The following SREK1 variants were observed in gnomAD, a reference collection of about 807,000 sequenced individuals.
The protein encoded by SREK1 is splicing regulatory glutamine/lysine-rich protein 1.
SREK1 carries 13 observed loss-of-function variants against 66.5 expected under a neutral mutation model. That is an observed-to-expected ratio of 0.20 (90% CI 0.13 to 0.31). The LOEUF (loss-of-function observed/expected upper bound fraction) is 0.31, where lower values mean the gene tolerates loss of function less well. Among genes scored for constraint, SREK1 ranks in the 10% least tolerant of loss-of-function variants. SREK1 has a pLI of 1.00. For synonymous variants in SREK1, 265 were observed against 263.5 expected (o/e 1.01, Z -0.05); for missense variants, 607 against 769.6 (o/e 0.79, Z 2.50).
chr5:66,146,851 A>G (rs563191830), intron 1 of SREK1, among the ~76,000 whole-genome samples: 13 of 152,190 alleles, frequency 8.5e-5, no homozygotes, highest in Non-Finnish European at 1.8e-4. Flanking sequence ...TTGGAAATAT[A>G]TTTATTTTCA....
At chr5:66,146,310 A>T (rs922677536) in intron 1 of SREK1, among the ~76,000 whole-genome samples, 1 of 152,198 alleles carries the variant, frequency 6.6e-6, no homozygotes, top group African/African-American at 2.4e-5. Context: ...CATAGGTAGA[A>T]GAAATATATT....
chr5:66,179,404 C>T lies in SREK1; in HGVS notation c.*536C>T, dbSNP rs968447956. 6.6e-6 allele frequency: 1 copy of T among 152,440 alleles called. No individual in the cohort carries two copies. Among genetic ancestry groups the T allele is most frequent in the African/African-American group, 2.4e-5 (1 of 41,418 alleles). The allele number at this position is 152,440 out of a possible 1,614,324, so 9.4% of individuals were successfully genotyped here. A position where few individuals can be genotyped will look rare whatever the true frequency, so the allele number is the denominator to read the frequency against. ...AGGACTTGTGATTGTGTTAAATTCT[C>T]ACTATTGTGTTTTCTTTTGCTCACT... On this transcript the variant is annotated 3_prime_UTR_variant, in exon 12 of 12. Coordinates refer to ENST00000334121, the MANE Select transcript of SREK1 (RefSeq NM_001077199.3).
rs1287133088 is a variant in SREK1 at position 66,144,310 on chromosome 5, T to G, written c.-67T>G. On this transcript the variant is annotated 5_prime_UTR_variant, in exon 1 of 12. Coordinates refer to ENST00000334121, the MANE Select transcript of SREK1 (RefSeq NM_001077199.3). ...CGCTCGCGGCCGCGCGTTCTCCGCT[T>G]TCCCGGCTCCGTCGCTGACGCGTCG... is the stretch of plus-strand genomic sequence containing the variant. 2 of 1,334,118 alleles carry G rather than the reference T, an allele frequency of 1.5e-6. No individual in the cohort carries two copies. The highest frequency in any genetic ancestry group is 5.4e-5 in the East Asian group (2 of 36,948). The allele number at this position is 1,334,118 out of a possible 1,614,324, so 82.6% of individuals were successfully genotyped here.
chr5:66,174,831 G>A (rs983937482), intron 9 of SREK1, 115 bp from the exon 10 acceptor site: 2 of 861,950 alleles, frequency 2.3e-6, no homozygotes, highest in Admixed American at 2.8e-5. Context: ...GTTTAAACTG[G>A]CCTCTAAAGA....
chr5:66,172,664 G>A (rs983909761), intron 9 of SREK1, among the ~76,000 whole-genome samples: 120 of 152,118 alleles, frequency 7.9e-4, no homozygotes, highest in African/African-American at 2.7e-3. Flanking sequence ...CCAAAGTGCT[G>A]GGATTACAGG....
chr5:66,165,854 C>T (rs1745131501), intron 7 of SREK1: 1 of 152,092 alleles, frequency 6.6e-6, no homozygotes, highest in South Asian at 2.1e-4. Flanking sequence ...ATTGTTTTAC[C>T]AGCAGGCTCA....
At chr5:66,147,857 A>G (rs1448931010) in intron 1 of SREK1, among the ~76,000 whole-genome samples, 3 of 149,566 alleles carry the variant, frequency 2.0e-5, no homozygotes, top group Admixed American at 1.3e-4. Context: ...TCATTATGTA[A>G]TATATGTAAT....
At chr5:66,167,796 G>A (rs905007613) in intron 7 of SREK1, 8 of 152,170 alleles carry the variant, frequency 5.3e-5, no homozygotes, top group Admixed American at 3.9e-4. Context: ...GCATTGCTTT[G>A]AGGAAAACAA....
chr5:66,161,684 G>A (rs1348574202), intron 3 of SREK1, among the ~76,000 whole-genome samples: 1 of 152,206 alleles, frequency 6.6e-6, no homozygotes, highest in African/African-American at 2.4e-5. Context: ...CAGCTAAGGT[G>A]TCTTTAAACA....
rs1005735934 is a variant in SREK1 at position 66,180,733 on chromosome 5, C to G, written c.*1865C>G. 2 of 152,516 alleles carry G rather than the reference C, an allele frequency of 1.3e-5. No homozygotes were observed. The highest frequency in any genetic ancestry group is 2.9e-5 in the Non-Finnish European group (2 of 68,024). 9.4% of individuals were successfully genotyped at this position (152,516 alleles called of 1,614,324 possible). ...GGCTGGTAAACAGCTTATTCTGATA[C>G]AAGAATGCTTGGGTGCATATGGAAA... On this transcript the variant is annotated 3_prime_UTR_variant, in exon 12 of 12. Coordinates refer to ENST00000334121, the MANE Select transcript of SREK1 (RefSeq NM_001077199.3).
intron 2 of SREK1, among the ~76,000 whole-genome samples, chr5:66,155,685 TAAG>T (rs1246713689): frequency 6.6e-6 from 1 of 152,212 alleles, no homozygotes; most frequent in East Asian, 1.9e-4. Context: ...GAAAAAAATT[TAAG>T]AAGTTTTTTC....
chr5:66,165,329 A>G (rs969379506), intron 7 of SREK1: 1 of 158,906 alleles, frequency 6.3e-6, no homozygotes, highest in South Asian at 1.8e-4. Flanking sequence ...ACCACCCCAG[A>G]TCTTTCACGC....
Position 66,163,959 on chromosome 5 carries a change from A to AATT in SREK1, c.886+38_886+39insTTA, listed in dbSNP as rs1421211306. 2.5e-6 allele frequency: 4 copies of AATT among 1,599,332 alleles called. 1 individual carries two copies. In the South Asian group the frequency reaches 4.5e-5, roughly 18 times the overall value. ...ACGTTGTTACATAGGTCATAGTTTA[A>AATT]AGATCATAGACTCTTAGAACTGGAA... On this transcript the variant is annotated intron_variant, in intron 6 of 11. Coordinates refer to ENST00000334121, the MANE Select transcript of SREK1 (RefSeq NM_001077199.3).
Position 66,175,422 on chromosome 5 carries a change from T to G in SREK1, c.1580+381T>G, listed in dbSNP as rs564238869. 2.1e-3 allele frequency among the ~76,000 whole-genome samples: 321 copies of G among 152,314 alleles called. 1 individual carries two copies. The highest frequency in any genetic ancestry group is 3.4e-3 in the Non-Finnish European group (231 of 68,018). ...TTAACTTACCAGGTCAGAGAGAGCT[T>G]CTTCAATTCCTTTTTATAATTGCGT... is the stretch of plus-strand genomic sequence containing the variant. On this transcript the variant is annotated intron_variant, in intron 10 of 11. Transcript: ENST00000334121.
At chr5:66,154,163 T>C (rs1341122564) in intron 2 of SREK1, among the ~76,000 whole-genome samples, 3 of 152,032 alleles carry the variant, frequency 2.0e-5, no homozygotes, top group Non-Finnish European at 2.9e-5. Flanking sequence ...GCAGGAGGAG[T>C]GTTGGAAAAA....
intron 1 of SREK1, chr5:66,145,159 C>G: frequency 1.0e-6 from 1 of 985,528 alleles, no homozygotes; most frequent in Non-Finnish European, 1.2e-6. Flanking sequence ...AAAGGTCACA[C>G]TGTCCCAAAG....
At chr5:66,177,465 AG>A in intron 10 of SREK1, 48 bp from the exon 11 acceptor site, 3 of 1,401,710 alleles carry the variant, frequency 2.1e-6, no homozygotes, top group Non-Finnish European at 2.9e-6. Flanking sequence ...AGAATATAAT[AG>A]ATCTTACAAT....
At chr5:66,164,568 C>T in intron 6 of SREK1, 2 of 1,493,372 alleles carry the variant, frequency 1.3e-6, no homozygotes, top group South Asian at 1.2e-5. Flanking sequence ...ATATTACGAA[C>T]AGCTGTTTAT....
chr5:66,178,946 G>T lies in SREK1; in HGVS notation c.*78G>T. On this transcript the variant is annotated 3_prime_UTR_variant, in exon 12 of 12. Transcript: ENST00000334121. ...AATTCTCTCAACAAGATGTAAACAG[G>T]AAAGAAATCTAGTTGAGCATGAAGA... 2 of 1,389,084 alleles carry T rather than the reference G, an allele frequency of 1.4e-6. No individual in the cohort carries two copies. The highest frequency in any genetic ancestry group is 1.9e-6 in the Non-Finnish European group (2 of 1,053,926). The allele number at this position is 1,389,084 out of a possible 1,614,324, so 86.0% of individuals were successfully genotyped here.
Sources: gnomAD v4.1 joint callset for allele counts (sites outside exome capture counted in the v4.1 genomes callset) on GRCh38, gnomAD v4.1.1 for gene constraint, MANE v1.5 for transcripts, NCBI Gene and HGNC (gene_info 2026-07-23, HGNC 2026-07-21) for gene names.